Variants in NAA11 observed in about 807,000 individuals in gnomAD.
NAA11 encodes the protein N-alpha-acetyltransferase 11, NatA catalytic subunit, also known as N-alpha-acetyltransferase 11.
A neutral mutation model predicts 16.1 loss-of-function variants in NAA11; 15 were observed. That is an observed-to-expected ratio of 0.93 (90% CI 0.62 to 1.44). The LOEUF (loss-of-function observed/expected upper bound fraction) is 1.44. Ranked by LOEUF, NAA11 falls within the 40% of genes most tolerant of loss-of-function variation. The pLI is 0.00. For missense variants in NAA11, 298 were observed against 291.3 expected, an observed-to-expected ratio of 1.02 and a Z score of -0.17; for synonymous variants, 122 against 112.4, an observed-to-expected ratio of 1.09 and a Z score of -0.54.
the NAA11 span, among the ~76,000 whole-genome samples, chr4:79,204,926 T>TACACACAC: frequency 0.021 from 817 of 39,638 alleles, 8 homozygotes; most frequent in Middle Eastern, 0.14. Flanking sequence ...CCATGGTGTG[T>TACACACAC]ATACACACAC....
chr4:79,248,952 C>A lies in NAA11; in HGVS notation c.*123-22682G>T, dbSNP rs1254862493. On this transcript the variant is annotated intron_variant and NMD_transcript_variant, in intron 2 of 2. Transcript: ENST00000511542. ...TAAAAAGCACTTTGGCTGGCACCAC[C>A]CATTGGAATGTTGTGATGAGCAGTC... 3.9e-5 allele frequency among the ~76,000 whole-genome samples: 6 copies of A among 152,296 alleles called. No individual in the cohort carries two copies. The East Asian group carries it at 1.2e-3, about 29-fold the overall frequency.
At chr4:79,170,073 C>T in the NAA11 span, among the ~76,000 whole-genome samples, 1 of 152,154 alleles carries the variant, frequency 6.6e-6, no homozygotes, top group East Asian at 1.9e-4. Flanking sequence ...TTTATGACTG[C>T]CTTGATGAAC....
the NAA11 span, among the ~76,000 whole-genome samples, chr4:79,185,075 T>C: frequency 2.0e-5 from 3 of 152,190 alleles, no homozygotes; most frequent in Non-Finnish European, 4.4e-5. Context: ...GTTTTTTTAA[T>C]TGAAATATTG....
the NAA11 span, among the ~76,000 whole-genome samples, chr4:79,157,035 T>G: frequency 6.6e-6 from 1 of 152,250 alleles, no homozygotes; most frequent in East Asian, 1.9e-4. Context: ...GATTCCTATT[T>G]TTTTAAATGA....
At chr4:79,194,535 A>C in the NAA11 span, among the ~76,000 whole-genome samples, 1 of 152,066 alleles carries the variant, frequency 6.6e-6, no homozygotes, top group African/African-American at 2.4e-5. Flanking sequence ...GAAATTGGGC[A>C]TAGGAAGTGG....
At chr4:79,210,755 C>T in the NAA11 span, among the ~76,000 whole-genome samples, 64 of 152,026 alleles carry the variant, frequency 4.2e-4, 1 homozygote, top group South Asian at 5.2e-3. Context: ...AAGACTCCGT[C>T]TCAAAAAAAG....
the NAA11 span, among the ~76,000 whole-genome samples, chr4:79,199,089 A>G: frequency 2.6e-5 from 4 of 151,956 alleles, no homozygotes; most frequent in South Asian, 2.1e-4. Flanking sequence ...TAATGCAGAT[A>G]CAGTTGCTTG....
chr4:79,280,855 T>C (rs1578176803), intron 2 of NAA11, among the ~76,000 whole-genome samples: 1 of 151,910 alleles, frequency 6.6e-6, no homozygotes, highest in East Asian at 1.9e-4. Flanking sequence ...ATAAAGAAAG[T>C]TATAGGGACT....
At chr4:79,215,601 G>T in the NAA11 span, among the ~76,000 whole-genome samples, 3 of 152,162 alleles carry the variant, frequency 2.0e-5, no homozygotes, top group Non-Finnish European at 4.4e-5. Flanking sequence ...GAGCCTTCAG[G>T]TATTGATTCA....
chr4:79,215,838 A>G, the NAA11 span, among the ~76,000 whole-genome samples: 1 of 152,238 alleles, frequency 6.6e-6, no homozygotes, highest in African/African-American at 2.4e-5. Context: ...GATTAAATAA[A>G]TGAATACATA....
At chr4:79,266,073 C>A (rs1722337462) in intron 2 of NAA11, among the ~76,000 whole-genome samples, 1 of 152,170 alleles carries the variant, frequency 6.6e-6, no homozygotes, top group Non-Finnish European at 1.5e-5. Context: ...TGCCACTGTA[C>A]ACATAACTCT....
the NAA11 span, among the ~76,000 whole-genome samples, chr4:79,191,337 GT>G: frequency 0.98 from 141,984 of 145,492 alleles, 69,264 homozygotes; most frequent in East Asian, 0.99. Flanking sequence ...AGCATCTGCT[GT>G]TTTTTTTTTT....
At chr4:79,168,656 A>T in the NAA11 span, among the ~76,000 whole-genome samples, 8 of 152,118 alleles carry the variant, frequency 5.3e-5, no homozygotes, top group Non-Finnish European at 1.2e-4. Flanking sequence ...TTTATTTACC[A>T]CATAAATGTC....
At chr4:79,296,375 A>G (rs1723221168) in intron 1 of NAA11, among the ~76,000 whole-genome samples, 1 of 152,236 alleles carries the variant, frequency 6.6e-6, no homozygotes, top group Non-Finnish European at 1.5e-5. Flanking sequence ...TTCTTGACAG[A>G]GGACACCATT....
At chr4:79,211,055 T>TA in the NAA11 span, among the ~76,000 whole-genome samples, 206 of 152,340 alleles carry the variant, frequency 1.4e-3, 1 homozygote, top group African/African-American at 4.8e-3. Context: ...TTTTGCCCAG[T>TA]AATCTACTCA....
chr4:79,207,900 AT>A, the NAA11 span, among the ~76,000 whole-genome samples: 2 of 152,248 alleles, frequency 1.3e-5, no homozygotes, highest in South Asian at 4.1e-4. Context: ...CATCTTCTCT[AT>A]ATTATGTATT....
At chr4:79,304,152 T>A (rs1372161282) in intron 1 of NAA11, among the ~76,000 whole-genome samples, 1 of 152,170 alleles carries the variant, frequency 6.6e-6, no homozygotes, top group Non-Finnish European at 1.5e-5. Context: ...AGAAGATCCT[T>A]TATTTAGCCA....
At chr4:79,292,324 C>T (rs536117357) in intron 2 of NAA11, among the ~76,000 whole-genome samples, 2 of 152,274 alleles carry the variant, frequency 1.3e-5, no homozygotes, top group East Asian at 3.9e-4. Context: ...TGAAAACTTT[C>T]TATATCTGGT....
chr4:79,171,263 G>A, the NAA11 span, among the ~76,000 whole-genome samples: 1 of 152,124 alleles, frequency 6.6e-6, no homozygotes, highest in African/African-American at 2.4e-5. Context: ...TATATATTGT[G>A]GGAGTGGGTT....
Sources: gnomAD v4.1 joint callset for allele counts (sites outside exome capture counted in the v4.1 genomes callset) on GRCh38, gnomAD v4.1.1 for gene constraint, MANE v1.5 for transcripts, NCBI Gene and HGNC (gene_info 2026-07-23, HGNC 2026-07-21) for gene names.